The following KLHDC10 variants were observed in gnomAD, a reference collection of about 807,000 sequenced individuals.
KLHDC10 encodes kelch domain-containing protein 10.
A neutral mutation model predicts 56.1 loss-of-function variants in KLHDC10; 24 were observed. That is an observed-to-expected ratio of 0.43 (90% CI 0.31 to 0.60). The LOEUF (loss-of-function observed/expected upper bound fraction) is 0.60, where lower values mean the gene tolerates loss of function less well. Ranked by LOEUF, KLHDC10 falls within the 20% of genes least tolerant of loss-of-function variation. The pLI is 0.11. For missense variants in KLHDC10, 349 were observed against 567.0 expected, an observed-to-expected ratio of 0.62 and a Z score of 3.91; for synonymous variants, 188 against 207.1, an observed-to-expected ratio of 0.91 and a Z score of 0.79.
rs1796391748 is a variant in KLHDC10 at position 130,130,894 on chromosome 7, G to C, written c.*148G>C. 6.8e-6 allele frequency: 5 copies of C among 737,908 alleles called. No homozygotes were observed. The highest frequency in any genetic ancestry group is 1.1e-5 in the Non-Finnish European group (5 of 451,518). 45.7% of individuals were successfully genotyped at this position (737,908 alleles called of 1,614,324 possible). On this transcript the variant is annotated 3_prime_UTR_variant, in exon 10 of 10. Coordinates refer to ENST00000335420, the MANE Select transcript of KLHDC10 (RefSeq NM_014997.4). This position sits in a 1 kb window ranked among gnomAD's most constrained non-coding sequence, Gnocchi z 4.2. ...TACATCAGATGCCTTTCTGTAAATTGGTTTTTCAGTTTATGGACATCTCAC... is the reference window on the plus strand; with the variant it reads ...TACATCAGATGCCTTTCTGTAAATTCGTTTTTCAGTTTATGGACATCTCAC...
At chr7:130,123,940 A>G (rs1265535380) in intron 5 of KLHDC10, among the ~76,000 whole-genome samples, 1 of 152,232 alleles carries the variant, frequency 6.6e-6, no homozygotes, top group Non-Finnish European at 1.5e-5. Flanking sequence ...CTGCTAAATA[A>G]GTATCTTAAT....
chr7:130,106,807 G>GA (rs1274595944), intron 2 of KLHDC10, among the ~76,000 whole-genome samples: 1 of 151,944 alleles, frequency 6.6e-6, no homozygotes, highest in Non-Finnish European at 1.5e-5. Context: ...CTGTCTCTAA[G>GA]AAAAAATTCA....
At chr7:130,099,746 A>G (rs368306038) in intron 2 of KLHDC10, among the ~76,000 whole-genome samples, 11 of 152,340 alleles carry the variant, frequency 7.2e-5, no homozygotes, top group African/African-American at 2.4e-4. Flanking sequence ...AGTTTTCAGG[A>G]TCAGATTTGG....
intron 3 of KLHDC10, among the ~76,000 whole-genome samples, chr7:130,118,410 G>C (rs925395844): frequency 3.3e-5 from 5 of 152,170 alleles, no homozygotes; most frequent in African/African-American, 1.2e-4. Context: ...AAGAGAGTCA[G>C]GGCCTTGCTC....
chr7:130,090,204 A>G (rs1469936506), intron 1 of KLHDC10, among the ~76,000 whole-genome samples: 2 of 152,188 alleles, frequency 1.3e-5, no homozygotes, highest in African/African-American at 2.4e-5. Context: ...AAGCTATTCC[A>G]TATTGGCACC....
rs755943323 is a variant in KLHDC10, at chr7:130,070,541, T to C, written c.-103T>C. The C allele has an allele frequency of 2.5e-5, 28 of 1,136,848 alleles. No individual in the cohort carries two copies. The highest frequency in any genetic ancestry group is 3.0e-5 in the Non-Finnish European group (27 of 895,648). The allele number at this position is 1,136,848 out of a possible 1,614,324, so 70.4% of individuals were successfully genotyped here. On this transcript the variant is annotated 5_prime_UTR_variant, in exon 1 of 10. Transcript: ENST00000335420. ...CTGGTGGGACCGGGCGCTGCCCCCTTCCCCTGTCTCCTGGGTCTCTGGAGG... is the reference window on the plus strand; with the variant it reads ...CTGGTGGGACCGGGCGCTGCCCCCTCCCCCTGTCTCCTGGGTCTCTGGAGG...
At position 130,132,356 on chromosome 7, in the gene KLHDC10, A is replaced by G. The variant is rs934960647; in HGVS notation, c.*1610A>G. The G allele has an allele frequency of 3.3e-5, 5 of 152,144 alleles. No individual in the cohort carries two copies. Among genetic ancestry groups the G allele is most frequent in the Admixed American group, 3.3e-4 (5 of 15,274 alleles). 9.4% of individuals were successfully genotyped at this position (152,144 alleles called of 1,614,324 possible). A position where few individuals can be genotyped will look rare whatever the true frequency, so the allele number is the denominator to read the frequency against. On this transcript the variant is annotated 3_prime_UTR_variant, in exon 10 of 10. Coordinates refer to ENST00000335420, the MANE Select transcript of KLHDC10 (RefSeq NM_014997.4). The stretch of plus-strand genomic sequence containing the variant: ...AGGGATCTCTTTAGCTTATGTGTGG[A>G]TTTAAAATGACCTTTGAGCTACGGT...
At chr7:130,128,885 AAAAAATATAT>A (rs1229427130) in intron 8 of KLHDC10, among the ~76,000 whole-genome samples, 15 of 69,614 alleles carry the variant, frequency 2.2e-4, no homozygotes, top group African/African-American at 9.5e-4. Flanking sequence ...TAAAAAAAAA[AAAAAATATAT>A]ATATATATAT....
In KLHDC10 at chr7:130,130,337, C is replaced by CATATATATATATATATAT. The variant is rs72380761; in HGVS notation, c.1120-183_1120-182insTATATATATATATATATA. On this transcript the variant is annotated intron_variant, in intron 9 of 9. Transcript: ENST00000335420. The surrounding 1 kb of genome is among the most constrained non-coding windows in gnomAD (Gnocchi z 4.2). ...ACTCTGTCTCAAAAAAAAAAAAAATCATATATATATATATATAGTTTTTCC... is the reference window on the plus strand; with the variant it reads ...ACTCTGTCTCAAAAAAAAAAAAAATCATATATATATATATATATATATATATATATATATAGTTTTTCC... Among the ~76,000 whole-genome samples the CATATATATATATATATAT allele has an allele frequency of 2.1e-3, 299 of 140,804 alleles. 1 individual carries two copies. The highest frequency in any genetic ancestry group is 7.8e-3 in the African/African-American group (289 of 36,926). 92.4% of individuals were successfully genotyped at this position (140,804 alleles called of 152,430 possible). A position where few individuals can be genotyped will look rare whatever the true frequency, so the allele number is the denominator to read the frequency against.
intron 1 of KLHDC10, among the ~76,000 whole-genome samples, chr7:130,079,725 G>GCCTTCCTT (rs748916579): frequency 8.7e-6 from 1 of 115,590 alleles, no homozygotes. Flanking sequence ...CTGCCTTCCT[G>GCCTTCCTT]CCTTCCTTCC....
chr7:130,070,777 T>G lies in KLHDC10; in HGVS notation c.134T>G (p.Phe45Cys). 1.5e-6 allele frequency: 2 copies of G among 1,307,104 alleles called. No homozygotes were observed. The highest frequency in any genetic ancestry group is 2.0e-6 in the Non-Finnish European group (2 of 1,025,498). 81.0% of individuals were successfully genotyped at this position (1,307,104 alleles called of 1,614,324 possible). A position where few individuals can be genotyped will look rare whatever the true frequency, so the allele number is the denominator to read the frequency against. The change falls in exon 1 of 10, where the codon TTC becomes TGC. Residue 45 changes from phenylalanine (F) to cysteine (C), a missense_variant. Coordinates refer to ENST00000335420, the MANE Select transcript of KLHDC10 (RefSeq NM_014997.4). ...GGRGTGQLNR[F>C]VQLSGRPHLP... Reference sequence around the variant, plus strand: ...CGGGGGACTGGCCAGCTCAACCGCTTCGTGCAACTCTCCGGGCGGCCGCAC... The same window carrying G: ...CGGGGGACTGGCCAGCTCAACCGCTGCGTGCAACTCTCCGGGCGGCCGCAC...
intron 1 of KLHDC10, among the ~76,000 whole-genome samples, chr7:130,085,244 A>G (rs1795669808): frequency 6.6e-6 from 1 of 151,278 alleles, no homozygotes; most frequent in African/African-American, 2.4e-5. Context: ...GAGGCAGGAG[A>G]ATTGCTTGAA....
intron 8 of KLHDC10, 74 bp from the exon 9 acceptor site, chr7:130,129,363 T>C (rs1285775306): frequency 6.5e-7 from 1 of 1,549,856 alleles, no homozygotes; most frequent in African/African-American, 1.4e-5. Context: ...GCTGGCTGTG[T>C]GACCTACTCT....
At chr7:130,112,776 G>T (rs1395416538) in intron 2 of KLHDC10, among the ~76,000 whole-genome samples, 1 of 152,132 alleles carries the variant, frequency 6.6e-6, no homozygotes, top group East Asian at 1.9e-4. Flanking sequence ...GAGAGAAAGA[G>T]GAGTTGCATT....
chr7:130,081,132 G>A (rs1334185832), intron 1 of KLHDC10, among the ~76,000 whole-genome samples: 3 of 150,390 alleles, frequency 2.0e-5, no homozygotes, highest in African/African-American at 7.3e-5. Flanking sequence ...CTGAGTAGCT[G>A]GGAATATAGG....
At chr7:130,097,414 C>T (rs915926052) in intron 2 of KLHDC10, among the ~76,000 whole-genome samples, 6 of 151,826 alleles carry the variant, frequency 4.0e-5, no homozygotes, top group African/African-American at 1.2e-4. Flanking sequence ...TGTCAAATGT[C>T]ATATATTAAA....
intron 1 of KLHDC10, among the ~76,000 whole-genome samples, chr7:130,090,991 A>G (rs1049744198): frequency 5.9e-5 from 9 of 152,058 alleles, no homozygotes; most frequent in African/African-American, 2.2e-4. Flanking sequence ...GTAAAATCAT[A>G]CAGTATGTAA....
chr7:130,084,555 A>G (rs1795655701), intron 1 of KLHDC10, among the ~76,000 whole-genome samples: 2 of 151,990 alleles, frequency 1.3e-5, no homozygotes, highest in African/African-American at 4.8e-5. Flanking sequence ...AGGTGGGTGA[A>G]TCACTTGAGG....
intron 5 of KLHDC10, among the ~76,000 whole-genome samples, chr7:130,123,690 T>A (rs1382191363): frequency 6.6e-5 from 10 of 152,210 alleles, no homozygotes; most frequent in Admixed American, 6.5e-4. Context: ...AAAACTACCA[T>A]AAGAGGACTT....
Sources: gnomAD v4.1 joint callset for allele counts (sites outside exome capture counted in the v4.1 genomes callset) on GRCh38, gnomAD v4.1.1 for gene constraint, Gnocchi (gnomAD v3.1) non-coding constraint, MANE v1.5 for transcripts, NCBI Gene and HGNC (gene_info 2026-07-23, HGNC 2026-07-21) for gene names.